CLPB: variants seen among roughly 807,000 people sequenced by gnomAD.
The protein encoded by CLPB is mitochondrial disaggregase.
CLPB carries 40 observed loss-of-function variants against 78.4 expected under a neutral mutation model. The ratio of observed to expected loss-of-function variants is 0.51; its 90% CI spans 0.40 to 0.66. The LOEUF (loss-of-function observed/expected upper bound fraction) is 0.66. Ranked by LOEUF, CLPB falls within the 30% of genes least tolerant of loss-of-function variation. The pLI, the probability that CLPB is intolerant of heterozygous loss-of-function variation, is 0.00. For synonymous variants in CLPB, 333 were observed against 348.0 expected (o/e 0.96, Z 0.48); for missense variants, 780 against 886.9 (o/e 0.88, Z 1.53).
chr11:72,300,381 A>C lies in CLPB; in HGVS notation c.1329+1422T>G, dbSNP rs149633927. On this transcript the variant is annotated intron_variant, in intron 11 of 15. Coordinates refer to ENST00000538039, the MANE Select transcript of CLPB (RefSeq NM_001258392.3). Reference sequence around the variant, plus strand: ...TGTCTACCAGGCAGAGAGCTCCAAGAGGGCACATTCGGGTCTGGTCATAGC... The same window carrying C: ...TGTCTACCAGGCAGAGAGCTCCAAGCGGGCACATTCGGGTCTGGTCATAGC... 6.8e-3 allele frequency among the ~76,000 whole-genome samples: 1,036 copies of C among 152,274 alleles called. 4 individuals are homozygous for C. Among genetic ancestry groups the C allele is most frequent in the African/African-American group, 0.023 (973 of 41,552 alleles).
In CLPB at chr11:72,287,665, G is replaced by A. The variant is rs140963080; in HGVS notation, c.*5702C>T. The A allele has an allele frequency of 9.9e-5, 15 of 152,244 alleles. No homozygotes were observed. The highest frequency in any genetic ancestry group is 2.1e-4 in the Non-Finnish European group (14 of 68,026). The allele number at this position is 152,244 out of a possible 1,614,324, so 9.4% of individuals were successfully genotyped here. On this transcript the variant is annotated 3_prime_UTR_variant, in exon 16 of 16. Coordinates refer to ENST00000538039, the MANE Select transcript of CLPB (RefSeq NM_001258392.3). ...TTTATTTATTTTTCACCATCTTATGGTGCTCAAAAAGGATAAAATTTTAAC... is the reference window on the plus strand; with the variant it reads ...TTTATTTATTTTTCACCATCTTATGATGCTCAAAAAGGATAAAATTTTAAC...
In CLPB at chr11:72,301,753, C is replaced by T. The variant is rs78370345; in HGVS notation, c.1329+50G>A. Reference sequence around the variant, plus strand: ...CCTTGCTTTCTGCTGTTCACAGTCCCCCTTATCTCCAGGTGTCCCCCCGCT... The same window carrying T: ...CCTTGCTTTCTGCTGTTCACAGTCCTCCTTATCTCCAGGTGTCCCCCCGCT... On this transcript the variant is annotated intron_variant, in intron 11 of 15. Coordinates refer to ENST00000538039, the MANE Select transcript of CLPB (RefSeq NM_001258392.3). The T allele has an allele frequency of 1.7e-3, 2,719 of 1,585,872 alleles. 50 individuals carry two copies. In the African/African-American group the frequency reaches 0.034, roughly 20 times the overall value.
At chr11:72,422,638 C>T (rs571925795) in intron 2 of CLPB, among the ~76,000 whole-genome samples, 1 of 152,278 alleles carries the variant, frequency 6.6e-6, no homozygotes, top group South Asian at 2.1e-4. Flanking sequence ...CAATCCACTG[C>T]AAGCCACAAG....
rs149786228 is a variant in CLPB at position 72,296,632 on chromosome 11, G to A, written c.1330-984C>T. Among the ~76,000 whole-genome samples the A allele has an allele frequency of 3.4e-3, 515 of 152,306 alleles. 5 individuals are homozygous for A. The highest frequency in any genetic ancestry group is 0.019 in the East Asian group (100 of 5,182). On this transcript the variant is annotated intron_variant, in intron 11 of 15. Transcript: ENST00000538039. ...GAGCAAGCAATAGAGTGACAATGCCGAACACGGACAGGGACTTCTACTTTC... is the reference window on the plus strand; with the variant it reads ...GAGCAAGCAATAGAGTGACAATGCCAAACACGGACAGGGACTTCTACTTTC...
chr11:72,326,420 T>C (rs900422629), intron 6 of CLPB, among the ~76,000 whole-genome samples: 1 of 152,230 alleles, frequency 6.6e-6, no homozygotes, highest in Non-Finnish European at 1.5e-5. Flanking sequence ...ACCTGGCACA[T>C]AGATGTCATT....
At chr11:72,396,694 T>C (rs539837418) in intron 3 of CLPB, among the ~76,000 whole-genome samples, 11 of 152,348 alleles carry the variant, frequency 7.2e-5, no homozygotes, top group Middle Eastern at 3.4e-3. Context: ...ACATCACTGA[T>C]AGTATGAATT....
At chr11:72,328,196 G>A (rs1950162847) in intron 6 of CLPB, among the ~76,000 whole-genome samples, 1 of 152,172 alleles carries the variant, frequency 6.6e-6, no homozygotes. Flanking sequence ...TTTCCCTCTG[G>A]CAAGCAACTA....
chr11:72,415,557 T>C (rs1422981709), intron 2 of CLPB, among the ~76,000 whole-genome samples: 2 of 152,260 alleles, frequency 1.3e-5, no homozygotes, highest in African/African-American at 2.4e-5. Flanking sequence ...GTAGTCTCCA[T>C]ACCACCACCA....
At chr11:72,341,258 G>A (rs983335616) in intron 5 of CLPB, among the ~76,000 whole-genome samples, 1 of 152,056 alleles carries the variant, frequency 6.6e-6, no homozygotes, top group South Asian at 2.1e-4. Context: ...ACAGGGAGCC[G>A]GCTACCCTAC....
Position 72,291,558 on chromosome 11 carries a change from T to G in CLPB, c.*1809A>C, listed in dbSNP as rs1949452657. 1 of 151,904 alleles carries G rather than the reference T, an allele frequency of 6.6e-6. No homozygotes were observed. The highest frequency in any genetic ancestry group is 1.5e-5 in the Non-Finnish European group (1 of 68,030). 9.4% of individuals were successfully genotyped at this position (151,904 alleles called of 1,614,324 possible). A position where few individuals can be genotyped will look rare whatever the true frequency, so the allele number is the denominator to read the frequency against. On this transcript the variant is annotated 3_prime_UTR_variant, in exon 16 of 16. Coordinates refer to ENST00000538039, the MANE Select transcript of CLPB (RefSeq NM_001258392.3). Reference sequence around the variant, plus strand: ...CCTGACCTCAGGTAATCTGCCTGCCTCAGCCTCCCAAAGTGCTGGAATTAC... The same window carrying G: ...CCTGACCTCAGGTAATCTGCCTGCCGCAGCCTCCCAAAGTGCTGGAATTAC...
At chr11:72,374,460 G>GAT (rs1467405247) in intron 4 of CLPB, among the ~76,000 whole-genome samples, 2 of 152,154 alleles carry the variant, frequency 1.3e-5, no homozygotes, top group African/African-American at 4.8e-5. Flanking sequence ...CCACTCTGAG[G>GAT]GCTGGAGGGA....
At chr11:72,336,489 T>C (rs1950324807) in intron 5 of CLPB, 1 of 152,266 alleles carries the variant, frequency 6.6e-6, no homozygotes. Flanking sequence ...TAATGACTGC[T>C]GCCCTACCTA....
intron 4 of CLPB, among the ~76,000 whole-genome samples, chr11:72,375,561 C>T (rs1264618749): frequency 6.6e-6 from 1 of 152,168 alleles, no homozygotes; most frequent in African/African-American, 2.4e-5. Flanking sequence ...GGTCACTTAC[C>T]CTGTGACACT....
intron 2 of CLPB, among the ~76,000 whole-genome samples, chr11:72,423,743 A>C (rs1472844514): frequency 6.6e-6 from 1 of 152,222 alleles, no homozygotes; most frequent in African/African-American, 2.4e-5. Context: ...CTTAGGACAA[A>C]AATAAAAACT....
chr11:72,359,224 T>C lies in CLPB; in HGVS notation c.647-216A>G, dbSNP rs563685743. ...ATGTTTACTGACATCTGTTATGTGT[T>C]AGGATTCATCCTGGGGACATGAAAT... On this transcript the variant is annotated intron_variant, in intron 4 of 15. Coordinates refer to ENST00000538039, the MANE Select transcript of CLPB (RefSeq NM_001258392.3). The C allele has an allele frequency of 4.3e-6, 3 of 701,478 alleles. No homozygotes were observed. The Middle Eastern group carries it at 7.0e-4, about 164-fold the overall frequency. The allele number at this position is 701,478 out of a possible 1,614,324, so 43.5% of individuals were successfully genotyped here. A position where few individuals can be genotyped will look rare whatever the true frequency, so the allele number is the denominator to read the frequency against.
chr11:72,405,860 G>A (rs1297918187), intron 2 of CLPB, among the ~76,000 whole-genome samples: 1 of 151,894 alleles, frequency 6.6e-6, no homozygotes, highest in Non-Finnish European at 1.5e-5. Context: ...CCTGGGAGGC[G>A]GAGCTTGCAG....
intron 6 of CLPB, among the ~76,000 whole-genome samples, chr11:72,323,179 T>C (rs891722590): frequency 1.1e-4 from 17 of 152,230 alleles, no homozygotes; most frequent in African/African-American, 3.6e-4. Flanking sequence ...AGGGTGTTCT[T>C]GCCAGAAATG....
chr11:72,357,700 GAA>G (rs747456359), intron 5 of CLPB, among the ~76,000 whole-genome samples: 12 of 43,880 alleles, frequency 2.7e-4, no homozygotes, highest in Middle Eastern at 0.015. Context: ...CCGTGTCCCA[GAA>G]AAAAAAAAAA....
rs766890337 is a variant in CLPB, at chr11:72,286,637, G to A, written c.*6730C>T. On this transcript the variant is annotated 3_prime_UTR_variant, in exon 16 of 16. Transcript: ENST00000538039. ...ATTACCGGCATGTGCCACTATGTCC[G>A]GCTAATTTTTGTACTTTAATAAAGA... is the stretch of plus-strand genomic sequence containing the variant. 2 of 152,130 alleles carry A rather than the reference G, an allele frequency of 1.3e-5. No homozygotes were observed. The highest frequency in any genetic ancestry group is 1.5e-5 in the Non-Finnish European group (1 of 67,992). 9.4% of individuals were successfully genotyped at this position (152,130 alleles called of 1,614,324 possible).
Sources: allele counts gnomAD v4.1 joint callset (sites outside exome capture counted in the v4.1 genomes callset), GRCh38; gene constraint gnomAD v4.1.1; transcripts MANE v1.5; gene names NCBI Gene and HGNC (gene_info 2026-07-23, HGNC 2026-07-21).